Variants in SGIP1 observed in about 807,000 individuals in gnomAD.
The protein encoded by SGIP1 is SH3GL interacting endocytic adaptor 1.
SGIP1 carries 38 observed loss-of-function variants against 107.5 expected under a neutral mutation model. That is an observed-to-expected ratio of 0.35 (90% CI 0.27 to 0.46). The LOEUF (loss-of-function observed/expected upper bound fraction) is 0.46, where lower values mean the gene tolerates loss of function less well. SGIP1 is among the 20% of genes least tolerant of loss of function. The probability of loss-of-function intolerance (pLI) is 1.00; values close to 1 mark genes in which losing one functional copy is unlikely to be tolerated. For synonymous variants in SGIP1, 365 were observed against 366.1 expected, an observed-to-expected ratio of 1.00 and a Z score of 0.03; for missense variants, 929 against 1,019.5, an observed-to-expected ratio of 0.91 and a Z score of 1.21.
intron 1 of SGIP1, among the ~76,000 whole-genome samples, chr1:66,562,492 A>G (rs2059098460): frequency 6.6e-6 from 1 of 152,026 alleles, no homozygotes; most frequent in Admixed American, 6.6e-5. Context: ...TAGAGACTGC[A>G]GTGGAAGCAC....
At position 66,740,711 on chromosome 1, in the gene SGIP1, C is replaced by A; in HGVS notation, c.2288C>A (p.Ser763Ter). The change falls in exon 23 of 25, where the codon TCA (serine) becomes TAA (stop). Residue 763 changes from serine to a stop codon, truncating the protein, a stop_gained. Transcript: ENST00000371037. LOFTEE classifies it high-confidence loss of function. ...LWKIPDISQK[S>*]ENGGVGSLLA... is the part of the protein sequence containing the mutation. ...AAGATTCCTGATATCTCTCAGAAGT[C>A]AGAAAATGGAGGTAATGGAATCACA... 6.2e-7 allele frequency: 1 copy of A among 1,604,136 alleles called. No individual in the cohort carries two copies. The highest frequency in any genetic ancestry group is 1.1e-5 in the South Asian group (1 of 90,226).
intron 15 of SGIP1, among the ~76,000 whole-genome samples, chr1:66,682,842 T>A (rs2087097802): frequency 1.3e-5 from 2 of 152,168 alleles, no homozygotes; most frequent in East Asian, 3.9e-4. Flanking sequence ...ATTTTTTTCT[T>A]TTCTTTTTTG....
At chr1:66,704,169 T>A (rs1351077196) in intron 18 of SGIP1, 1 of 152,092 alleles carries the variant, frequency 6.6e-6, no homozygotes, top group Non-Finnish European at 1.5e-5. Context: ...AGTTCTTGCC[T>A]GCTTTGGAGA....
At chr1:66,708,382 C>T (rs1204171423) in intron 18 of SGIP1, among the ~76,000 whole-genome samples, 2 of 152,126 alleles carry the variant, frequency 1.3e-5, no homozygotes, top group African/African-American at 2.4e-5. Context: ...CAAACTCTCA[C>T]CACTGTCTAT....
chr1:66,588,884 T>C (rs1410275844), intron 1 of SGIP1, among the ~76,000 whole-genome samples: 1 of 151,474 alleles, frequency 6.6e-6, no homozygotes, highest in Non-Finnish European at 1.5e-5. Context: ...TTTAAGGTTT[T>C]AAATAAGGCA....
At chr1:66,635,850 A>G in intron 3 of SGIP1, 94 bp from the exon 4 acceptor site, 18 of 1,280,644 alleles carry the variant, frequency 1.4e-5, no homozygotes, top group Non-Finnish European at 2.0e-5. Flanking sequence ...CTTCTATGGT[A>G]TGTTTGCTGA....
intron 1 of SGIP1, among the ~76,000 whole-genome samples, chr1:66,619,034 T>A (rs2070219219): frequency 6.6e-6 from 1 of 152,180 alleles, no homozygotes; most frequent in Admixed American, 6.5e-5. Flanking sequence ...ACAGATTGCA[T>A]TCCACTATTA....
intron 12 of SGIP1, among the ~76,000 whole-genome samples, chr1:66,674,036 T>C (rs1349176069): frequency 1.3e-5 from 2 of 151,912 alleles, no homozygotes; most frequent in Non-Finnish European, 2.9e-5. Flanking sequence ...GGCATGGTGG[T>C]GCATGCCTGT....
In SGIP1 at chr1:66,729,402, C is replaced by A. The variant is rs757004440; in HGVS notation, c.1881C>A (p.Asn627Lys). 6.2e-7 allele frequency: 1 copy of A among 1,614,112 alleles called. No homozygotes were observed. The highest frequency in any genetic ancestry group is 1.1e-5 in the South Asian group (1 of 91,064). The change falls in exon 20 of 25, where the codon AAC (asparagine) becomes AAA (lysine). Residue 627 changes from asparagine (N) to lysine (K), a missense_variant. Physicochemically the swap from Asn to Lys is moderately conservative, Grantham distance 94. Transcript: ENST00000371037. ...NFSRLEHVLP[N>K]PQLLCCDNTQ... ...GCAGGTTAGAACACGTCCTGCCAAA[C>A]CCCCAACTTCTCTGCTGGTAAATAT... is the stretch of plus-strand genomic sequence containing the variant.
Position 66,741,359 on chromosome 1 carries a change from G to A in SGIP1, c.2387G>A (p.Ser796Asn), listed in dbSNP as rs1452395642. Residue 796 changes from serine (S) to asparagine (N), a missense_variant, in exon 24 of 25, where the codon AGC (serine) becomes AAC (asparagine). Physicochemically the swap from Ser to Asn is conservative, Grantham distance 46. Around this residue, in one of 2 missense-constraint regions of SGIP1, gnomAD observed 341 missense variants for 430.9 expected, o/e 0.79. Transcript: ENST00000371037. ...PLVVQFTSEG[S>N]TLSGCDIELV... ...GTTGTGCAGTTCACAAGTGAAGGAA[G>A]CACCCTTTCTGGCTGTGACATTGAA... 2 of 1,612,052 alleles carry A rather than the reference G, an allele frequency of 1.2e-6. No homozygotes were observed. Among genetic ancestry groups the A allele is most frequent in the East Asian group, 2.2e-5 (1 of 44,696 alleles).
At chr1:66,554,292 C>A (rs1051191368) in intron 1 of SGIP1, among the ~76,000 whole-genome samples, 3 of 152,142 alleles carry the variant, frequency 2.0e-5, no homozygotes, top group East Asian at 1.9e-4. Context: ...AGTTAAAAAT[C>A]TTTTTCTTTG....
At chr1:66,735,539 G>GTATTGGTCTTTCT (rs371515600) in intron 21 of SGIP1, among the ~76,000 whole-genome samples, 4 of 75,612 alleles carry the variant, frequency 5.3e-5, no homozygotes, top group African/African-American at 1.3e-4. Flanking sequence ...AGATCGTGTG[G>GTATTGGTCTTTCT]GCCGGGCGCG....
intron 18 of SGIP1, among the ~76,000 whole-genome samples, chr1:66,712,763 T>A (rs2092998624): frequency 6.6e-6 from 1 of 152,170 alleles, no homozygotes; most frequent in South Asian, 2.1e-4. Context: ...GAATTTAAAT[T>A]ATTTTTAGTC....
At chr1:66,634,216 G>A in intron 3 of SGIP1, 1 of 1,418,540 alleles carries the variant, frequency 7.0e-7, no homozygotes, top group Non-Finnish European at 9.8e-7. Context: ...CCCCTCCCTG[G>A]GTTCTCTGGT....
At chr1:66,628,590 G>C (rs1226448805) in intron 2 of SGIP1, 2 of 154,758 alleles carry the variant, frequency 1.3e-5, no homozygotes, top group Non-Finnish European at 2.9e-5. Flanking sequence ...GACAATGTCT[G>C]TAATTGACTG....
chr1:66,607,853 A>G (rs536180971), intron 1 of SGIP1, among the ~76,000 whole-genome samples: 15 of 152,302 alleles, frequency 9.8e-5, no homozygotes, highest in Admixed American at 9.1e-4. Flanking sequence ...TTCTTTCTCT[A>G]TAACAACACT....
intron 18 of SGIP1, among the ~76,000 whole-genome samples, chr1:66,717,520 C>A (rs923972422): frequency 6.6e-6 from 1 of 152,146 alleles, no homozygotes; most frequent in African/African-American, 2.4e-5. Flanking sequence ...ATTGTTCCTT[C>A]CTTTTAAAAT....
At chr1:66,603,123 A>C (rs543898823) in intron 1 of SGIP1, among the ~76,000 whole-genome samples, 238 of 152,344 alleles carry the variant, frequency 1.6e-3, no homozygotes, top group Non-Finnish European at 2.8e-3. Flanking sequence ...ATAAATGTTA[A>C]GCTAATGCTT....
intron 7 of SGIP1, among the ~76,000 whole-genome samples, chr1:66,651,048 T>A (rs2078657447): frequency 6.6e-6 from 1 of 152,208 alleles, no homozygotes; most frequent in Admixed American, 6.5e-5. Context: ...CTTCATAGGA[T>A]ATTTGTAAGA....
Sources: gnomAD v4.1 joint callset for allele counts (sites outside exome capture counted in the v4.1 genomes callset) on GRCh38, gnomAD v4.1.1 for gene constraint, gnomAD v4.1.1 regional missense constraint, MANE v1.5 for transcripts, NCBI Gene and HGNC (gene_info 2026-07-23, HGNC 2026-07-21) for gene names.